The following EXOC1 variants were observed in gnomAD, a reference collection of about 807,000 sequenced individuals.
The protein encoded by EXOC1 is exocyst complex component 1.
Under a neutral mutation model 107.7 loss-of-function variants are expected in EXOC1, and 67 were observed. The ratio of observed to expected loss-of-function variants is 0.62; its 90% CI spans 0.51 to 0.76. EXOC1 has a LOEUF of 0.76. Ranked by LOEUF, EXOC1 falls within the 30% of genes least tolerant of loss-of-function variation. EXOC1 has a pLI of 0.00. For synonymous variants in EXOC1, 348 were observed against 353.5 expected (o/e 0.98, Z 0.17); for missense variants, 833 against 1,055.7 (o/e 0.79, Z 2.92).
chr4:55,899,588 A>G (rs562136792), intron 16 of EXOC1, 97 bp from the exon 17 acceptor site: 3 of 1,095,708 alleles, frequency 2.7e-6, no homozygotes, highest in Admixed American at 5.0e-5. Flanking sequence ...CTTAATTCTT[A>G]AACTTACAAA....
intron 18 of EXOC1, among the ~76,000 whole-genome samples, chr4:55,904,052 G>A (rs1373181389): frequency 2.0e-5 from 3 of 151,694 alleles, no homozygotes; most frequent in Non-Finnish European, 4.4e-5. Context: ...TGTGTCAAAC[G>A]CAGTTTGAAG....
intron 10 of EXOC1, among the ~76,000 whole-genome samples, chr4:55,884,436 A>G (rs532985309): frequency 1.3e-5 from 2 of 152,374 alleles, no homozygotes; most frequent in Non-Finnish European, 2.9e-5. Flanking sequence ...CCAAAGGGCT[A>G]TAAAACTGTC....
At chr4:55,872,023 T>G in intron 8 of EXOC1, 65 bp downstream of exon 8, 1 of 1,392,554 alleles carries the variant, frequency 7.2e-7, no homozygotes, top group East Asian at 2.4e-5. Context: ...AACCTTACAT[T>G]TCCACAAAAA....
chr4:55,883,059 A>T (rs1318913520), intron 9 of EXOC1: 1 of 152,146 alleles, frequency 6.6e-6, no homozygotes, highest in Non-Finnish European at 1.5e-5. Context: ...ATGCCAAAGG[A>T]TACAAAAATG....
rs749160147 is a variant in EXOC1, at chr4:55,871,901, G to A, written c.1017G>A (p.Leu339=). The A allele has an allele frequency of 6.2e-7, 1 of 1,613,874 alleles. No individual in the cohort carries two copies. Among genetic ancestry groups the A allele is most frequent in the Admixed American group, 1.7e-5 (1 of 59,982 alleles). The stretch of plus-strand genomic sequence containing the variant: ...AGCAACAGCAGCGATTCAGTGATTT[G>A]CGAGAGCTTTTTGCCCGGAGACTGG... ...VKQQQQRFSD[L]RELFARRLAS... The change falls in exon 8 of 19, where the codon TTG becomes TTA. Residue 339 remains leucine, a synonymous_variant. Transcript: ENST00000381295.
At chr4:55,882,935 T>C (rs1262810673) in intron 9 of EXOC1, 1 of 152,160 alleles carries the variant, frequency 6.6e-6, no homozygotes, top group Non-Finnish European at 1.5e-5. Flanking sequence ...ATTCTGTTTG[T>C]GGCATTTAAC....
rs1724724089 is a variant in EXOC1, at chr4:55,892,802, G to A, written c.1724+91G>A. 4.9e-6 allele frequency: 6 copies of A among 1,218,168 alleles called. No individual in the cohort carries two copies. The Admixed American group carries it at 1.1e-4, about 21-fold the overall frequency. 75.5% of individuals were successfully genotyped at this position (1,218,168 alleles called of 1,614,324 possible). A position where few individuals can be genotyped will look rare whatever the true frequency, so the allele number is the denominator to read the frequency against. ...CATTGAGGGGTCTAGATGTTTCTCA[G>A]TAGCCTGACAGCACTCACAGTACCA... On this transcript the variant is annotated intron_variant, in intron 14 of 18. Coordinates refer to ENST00000381295, the MANE Select transcript of EXOC1 (RefSeq NM_001024924.2).
At chr4:55,866,922 A>G (rs1716340324) in intron 4 of EXOC1, 8 of 983,198 alleles carry the variant, frequency 8.1e-6, no homozygotes, top group East Asian at 1.1e-4. Flanking sequence ...CTTCTATTCC[A>G]TATGTTTTTA....
At chr4:55,857,990 T>C (rs974505456) in intron 1 of EXOC1, among the ~76,000 whole-genome samples, 6 of 152,238 alleles carry the variant, frequency 3.9e-5, no homozygotes, top group Admixed American at 3.9e-4. Context: ...ATGGGGTTAT[T>C]TGTCTTCTTA....
At chr4:55,899,416 C>T (rs1725626845) in intron 16 of EXOC1, among the ~76,000 whole-genome samples, 1 of 152,042 alleles carries the variant, frequency 6.6e-6, no homozygotes, top group Non-Finnish European at 1.5e-5. Flanking sequence ...TGTCCTAACA[C>T]ATTTTGAATA....
chr4:55,881,513 A>G (rs1313461609), intron 9 of EXOC1, among the ~76,000 whole-genome samples: 1 of 152,108 alleles, frequency 6.6e-6, no homozygotes, highest in Non-Finnish European at 1.5e-5. Flanking sequence ...ACATGTGCCC[A>G]AGGTGGTCCG....
In EXOC1 at chr4:55,878,050, A is replaced by G. The variant is rs1484372016; in HGVS notation, c.1208A>G (p.Tyr403Cys). ...CTAAAGAGTACAGATTATGGAAAAT[A>G]TGAAGGACTAACAAAGGTATGGATT... ...EWLKSTDYGK[Y>C]EGLTKNYMDY... Residue 403 changes from tyrosine (Y) to cysteine (C), a missense_variant, in exon 9 of 19, where the codon TAT becomes TGT. Tyr to Cys is a radical substitution (Grantham distance 194). Transcript: ENST00000381295. 1 of 1,613,362 alleles carries G rather than the reference A, an allele frequency of 6.2e-7. No individual in the cohort carries two copies. Among genetic ancestry groups the G allele is most frequent in the East Asian group, 2.2e-5 (1 of 44,834 alleles).
chr4:55,861,148 T>C (rs978220138), intron 3 of EXOC1, among the ~76,000 whole-genome samples: 6 of 152,098 alleles, frequency 3.9e-5, no homozygotes, highest in Non-Finnish European at 5.9e-5. Context: ...TTCACAGCAA[T>C]ACCCTTTTTT....
chr4:55,876,438 C>T, intron 8 of EXOC1: 1 of 659,622 alleles, frequency 1.5e-6, no homozygotes, highest in Non-Finnish European at 1.9e-6. Flanking sequence ...GTTTTTGCAA[C>T]AAAAAATATG....
intron 1 of EXOC1, among the ~76,000 whole-genome samples, chr4:55,854,764 T>C (rs1206383967): frequency 6.6e-6 from 1 of 152,244 alleles, no homozygotes; most frequent in Non-Finnish European, 1.5e-5. Flanking sequence ...AAGGAGTATG[T>C]GGTAAACGTT....
intron 11 of EXOC1, among the ~76,000 whole-genome samples, chr4:55,889,924 A>G (rs1724317945): frequency 6.6e-6 from 1 of 152,204 alleles, no homozygotes; most frequent in African/African-American, 2.4e-5. Context: ...TAGCGATATC[A>G]CCAGGCGACT....
chr4:55,886,581 A>C (rs940340830), intron 10 of EXOC1, among the ~76,000 whole-genome samples: 11 of 151,854 alleles, frequency 7.2e-5, no homozygotes, highest in African/African-American at 1.2e-4. Context: ...AAAACAAAAA[A>C]AAAAAAAACA....
chr4:55,898,275 A>G (rs1303647918), intron 16 of EXOC1, among the ~76,000 whole-genome samples: 1 of 152,144 alleles, frequency 6.6e-6, no homozygotes, highest in Non-Finnish European at 1.5e-5. Context: ...ATAATAAATG[A>G]ATGAATGAAT....
intron 3 of EXOC1, 105 bp downstream of exon 3, chr4:55,860,646 T>C: frequency 7.3e-7 from 1 of 1,363,380 alleles, no homozygotes; most frequent in Non-Finnish European, 9.8e-7. Context: ...AATATATATG[T>C]TTGTTTTCTT....
Sources: allele counts gnomAD v4.1 joint callset (sites outside exome capture counted in the v4.1 genomes callset), GRCh38; gene constraint gnomAD v4.1.1; transcripts MANE v1.5; gene names NCBI Gene and HGNC (gene_info 2026-07-23, HGNC 2026-07-21).